ALK: variants seen among roughly 807,000 people sequenced by gnomAD.
ALK encodes the protein ALK tyrosine kinase receptor.
A neutral mutation model predicts 163.1 loss-of-function variants in ALK; 74 were observed. That is an observed-to-expected ratio of 0.45 (90% CI 0.38 to 0.55). The LOEUF is 0.55. ALK is among the 20% of genes least tolerant of loss of function. The pLI is 0.00. For synonymous variants in ALK, 960 were observed against 843.2 expected, an observed-to-expected ratio of 1.14 and a Z score of -2.40; for missense variants, 2,063 against 2,105.3, an observed-to-expected ratio of 0.98 and a Z score of 0.39.
At chr2:29,895,005 T>A (rs1007432868) in intron 1 of ALK, among the ~76,000 whole-genome samples, 4 of 152,164 alleles carry the variant, frequency 2.6e-5, no homozygotes, top group Non-Finnish European at 5.9e-5. Context: ...CCTCCATATG[T>A]CAAGTCATGT....
At chr2:29,230,660 G>A (rs938291222) in intron 15 of ALK, among the ~76,000 whole-genome samples, 7 of 152,100 alleles carry the variant, frequency 4.6e-5, no homozygotes, top group African/African-American at 1.4e-4. Context: ...GAGCTGAGGC[G>A]AGGCCATCAG....
At chr2:29,567,316 A>T (rs1488138185) in intron 3 of ALK, among the ~76,000 whole-genome samples, 1 of 152,214 alleles carries the variant, frequency 6.6e-6, no homozygotes, top group Non-Finnish European at 1.5e-5. Context: ...AGATCATATG[A>T]CTAGGCCCCA....
At chr2:29,791,273 A>G (rs113658172) in intron 1 of ALK, among the ~76,000 whole-genome samples, 13,755 of 152,264 alleles carry the variant, frequency 0.09, 826 homozygotes, top group Admixed American at 0.14. Flanking sequence ...AATGTGGCAC[A>G]TATACACCAT....
At chr2:29,757,749 A>T (rs932837916) in intron 1 of ALK, among the ~76,000 whole-genome samples, 1 of 152,136 alleles carries the variant, frequency 6.6e-6, no homozygotes, top group Non-Finnish European at 1.5e-5. Context: ...TTTGTGCCAT[A>T]TAAGAATATG....
chr2:29,847,414 G>A (rs1272595101), intron 1 of ALK, among the ~76,000 whole-genome samples: 1 of 151,966 alleles, frequency 6.6e-6, no homozygotes, highest in Non-Finnish European at 1.5e-5. Flanking sequence ...AACCAACAGG[G>A]GATTTTAATA....
At chr2:29,791,018 T>G (rs536973528) in intron 1 of ALK, among the ~76,000 whole-genome samples, 1 of 152,328 alleles carries the variant, frequency 6.6e-6, no homozygotes, top group East Asian at 1.9e-4. Context: ...CTCTGTGACC[T>G]CTTGGCAAGT....
At chr2:29,374,589 G>A (rs1668710949) in intron 5 of ALK, among the ~76,000 whole-genome samples, 1 of 152,194 alleles carries the variant, frequency 6.6e-6, no homozygotes, top group Admixed American at 6.5e-5. Flanking sequence ...ACAATTCTGA[G>A]TGGAGACTTA....
chr2:29,806,761 C>A (rs1664627171), intron 1 of ALK, among the ~76,000 whole-genome samples: 1 of 152,146 alleles, frequency 6.6e-6, no homozygotes, highest in South Asian at 2.1e-4. Context: ...CAACTCTCCC[C>A]ACTGCATAGG....
At chr2:29,284,394 G>C (rs1328421305) in intron 9 of ALK, among the ~76,000 whole-genome samples, 1 of 152,150 alleles carries the variant, frequency 6.6e-6, no homozygotes, top group Non-Finnish European at 1.5e-5. Context: ...CTAAATTGCA[G>C]GCTTTGTGTT....
chr2:29,335,998 C>T (rs990575911), intron 5 of ALK, among the ~76,000 whole-genome samples: 6 of 152,162 alleles, frequency 3.9e-5, no homozygotes, highest in African/African-American at 1.4e-4. Context: ...CGAGATCATG[C>T]CATTGCACTA....
chr2:29,493,669 T>C (rs556746706), intron 4 of ALK, among the ~76,000 whole-genome samples: 1 of 152,374 alleles, frequency 6.6e-6, no homozygotes, highest in Non-Finnish European at 1.5e-5. Context: ...TAATAATTCC[T>C]ACTTCCCGAG....
Position 29,395,510 on chromosome 2 carries a change from G to A in ALK, c.1155-11651C>T, listed in dbSNP as rs1395368766. On this transcript the variant is annotated intron_variant, in intron 4 of 28. Transcript: ENST00000389048. ...CATGACCCCAAGGTATGGCACCTTA[G>A]CATGATGGGGACTTTAAACTGAAGG... Among the ~76,000 whole-genome samples, 5 of 152,330 alleles carry A rather than the reference G, an allele frequency of 3.3e-5. No individual in the cohort carries two copies. The South Asian group carries it at 1.0e-3, about 32-fold the overall frequency.
intron 4 of ALK, among the ~76,000 whole-genome samples, chr2:29,405,462 T>C (rs1222715807): frequency 6.6e-6 from 1 of 152,130 alleles, no homozygotes. Context: ...GGGTGGAACA[T>C]GTTTCATGCT....
intron 1 of ALK, chr2:29,907,227 C>A (rs1448726724): frequency 6.6e-6 from 1 of 152,150 alleles, no homozygotes; most frequent in African/African-American, 2.4e-5. Flanking sequence ...ATTATCCTCT[C>A]TCTTTCAGAT....
chr2:29,747,299 G>A (rs1265554564), intron 1 of ALK, among the ~76,000 whole-genome samples: 1 of 152,124 alleles, frequency 6.6e-6, no homozygotes, highest in Non-Finnish European at 1.5e-5. Context: ...TGAAACAGGT[G>A]CTCTTAAGAA....
At chr2:29,672,054 CT>C (rs34783503) in intron 3 of ALK, among the ~76,000 whole-genome samples, 18 of 142,438 alleles carry the variant, frequency 1.3e-4, no homozygotes, top group Non-Finnish European at 1.2e-4. Context: ...AGGACATTTT[CT>C]TTTTTTTTTT....
chr2:29,524,008 G>A (rs1558366273), intron 4 of ALK, among the ~76,000 whole-genome samples: 1 of 151,896 alleles, frequency 6.6e-6, no homozygotes, highest in Non-Finnish European at 1.5e-5. Context: ...TGCTTCCTGA[G>A]CCCCAGGGAG....
intron 5 of ALK, among the ~76,000 whole-genome samples, chr2:29,356,479 A>G (rs1324471756): frequency 3.3e-5 from 5 of 151,720 alleles, no homozygotes; most frequent in African/African-American, 4.8e-5. Flanking sequence ...AAAAAGTCCC[A>G]GGGAAGAAAC....
chr2:29,617,788 G>A (rs1259458823), intron 3 of ALK, among the ~76,000 whole-genome samples: 4 of 152,060 alleles, frequency 2.6e-5, no homozygotes, highest in African/African-American at 4.8e-5. Context: ...AGTCTTCCTC[G>A]CCATTCTAAC....
Sources: allele counts gnomAD v4.1 joint callset (sites outside exome capture counted in the v4.1 genomes callset), GRCh38; gene constraint gnomAD v4.1.1; transcripts MANE v1.5; gene names NCBI Gene and HGNC (gene_info 2026-07-23, HGNC 2026-07-21).